The following LGR6 variants were observed in gnomAD, a reference collection of about 807,000 sequenced individuals.
The protein encoded by LGR6 is leucine rich repeat containing G protein-coupled receptor 6, also known as leucine-rich repeat-containing G protein-coupled receptor 6.
A neutral mutation model predicts 69.4 loss-of-function variants in LGR6; 45 were observed. The ratio of observed to expected loss-of-function variants is 0.65; its 90% CI spans 0.51 to 0.83. The LOEUF is 0.83. LGR6 is among the 40% of genes least tolerant of loss of function. LGR6 has a pLI of 0.00. For missense variants in LGR6, 1,108 were observed against 1,246.7 expected (o/e 0.89, Z 1.68); for synonymous variants, 538 against 555.0 (o/e 0.97, Z 0.43).
rs762506110 is a variant in LGR6 at position 202,318,832 on chromosome 1, C to A, written c.2529C>A (p.Pro843=). Residue 843 remains proline, a synonymous_variant, in exon 18 of 18, where the codon CCC becomes CCA. Transcript: ENST00000367278. ...GGGATGACCTTCGGCGGCTTCGGCC[C>A]CGCGCAGGGGACTCAGGGCCCCTAG... ...HFRDDLRRLR[P]RAGDSGPLAY... is the part of the protein sequence containing the mutation. 4 of 1,613,298 alleles carry A rather than the reference C, an allele frequency of 2.5e-6. No homozygotes were observed. In the East Asian group the frequency reaches 6.7e-5, roughly 27 times the overall value.
At chr1:202,309,756 A>T (rs903666537) in intron 15 of LGR6, among the ~76,000 whole-genome samples, 8 of 152,222 alleles carry the variant, frequency 5.3e-5, no homozygotes, top group Non-Finnish European at 1.5e-5. Flanking sequence ...GGGGAGGGAT[A>T]GGGTGCAGGT....
chr1:202,285,743 C>G (rs1353285003), intron 6 of LGR6, among the ~76,000 whole-genome samples: 5 of 152,134 alleles, frequency 3.3e-5, no homozygotes, highest in African/African-American at 1.2e-4. Context: ...AATTTCCAGG[C>G]AGTCAAGGCA....
At chr1:202,313,458 T>G (rs532649662) in intron 16 of LGR6, among the ~76,000 whole-genome samples, 2 of 152,274 alleles carry the variant, frequency 1.3e-5, no homozygotes, top group South Asian at 4.1e-4. Context: ...GCATGATGGT[T>G]AAACATCTGG....
At chr1:202,259,898 C>G (rs950992283) in intron 4 of LGR6, among the ~76,000 whole-genome samples, 1 of 152,176 alleles carries the variant, frequency 6.6e-6, no homozygotes, top group Non-Finnish European at 1.5e-5. Flanking sequence ...AATGTGCCTC[C>G]CGGCTGTCAG....
At chr1:202,249,846 G>A (rs1190695263) in intron 4 of LGR6, among the ~76,000 whole-genome samples, 1 of 152,106 alleles carries the variant, frequency 6.6e-6, no homozygotes, top group African/African-American at 2.4e-5. Context: ...CAGGCCCCCA[G>A]CTTCTACTCT....
At chr1:202,300,821 C>A (rs767613918) in intron 7 of LGR6, 28 bp from the exon 8 acceptor site, 1 of 1,572,282 alleles carries the variant, frequency 6.4e-7, no homozygotes, top group Non-Finnish European at 8.7e-7. Flanking sequence ...TCTCCAAATC[C>A]TCACTGGTTC....
chr1:202,318,086 C>T lies in LGR6; in HGVS notation c.1783C>T (p.Pro595Ser), dbSNP rs1393576285. ...TVFAGGPVPL[P>S]PVKFVVGAIA... ...GTTCGCTGGCGGGCCTGTCCCCCTG[C>T]CCCCGGTCAAGTTTGTGGTAGGTGC... The change falls in exon 18 of 18, where the codon CCC becomes TCC. Residue 595 changes from proline (P) to serine (S), a missense_variant. Pro to Ser is a moderately conservative substitution (Grantham distance 74). Transcript: ENST00000367278. 1.2e-6 allele frequency: 2 copies of T among 1,613,942 alleles called. No individual in the cohort carries two copies. The highest frequency in any genetic ancestry group is 1.7e-5 in the Admixed American group (1 of 60,018).
rs774753564 is a variant in LGR6 at position 202,193,974 on chromosome 1, T to C, written c.-16T>C. ...CGCGCCCGGCCGCCAGGTGCCCCAG[T>C]AGCCCGACCGCCGAGATGCCCAGCC... On this transcript the variant is annotated 5_prime_UTR_variant, in exon 1 of 18. Coordinates refer to ENST00000367278, the MANE Select transcript of LGR6 (RefSeq NM_001017403.2). 202 of 1,353,358 alleles carry C rather than the reference T, an allele frequency of 1.5e-4. No homozygotes were observed. Among genetic ancestry groups the C allele is most frequent in the African/African-American group, 3.8e-4 (25 of 65,016 alleles). 83.8% of individuals were successfully genotyped at this position (1,353,358 alleles called of 1,614,324 possible).
chr1:202,252,071 C>T (rs1307981001), intron 4 of LGR6, among the ~76,000 whole-genome samples: 1 of 152,058 alleles, frequency 6.6e-6, no homozygotes, highest in African/African-American at 2.4e-5. Context: ...ACACCACTTA[C>T]GTCATCTCAC....
intron 3 of LGR6, 126 bp downstream of exon 3, chr1:202,228,133 A>G (rs890112590): frequency 4.9e-6 from 3 of 615,288 alleles, no homozygotes; most frequent in Non-Finnish European, 8.6e-6. Flanking sequence ...CTTCACTTTC[A>G]GTTTCAATTG....
At position 202,319,160 on chromosome 1, in the gene LGR6, G is replaced by A; in HGVS notation, c.2857G>A (p.Gly953Ser). Reference sequence around the variant, plus strand: ...GCCAGCAGGTGGAGGCTTGTCAGGGGGTGGCGGCTTTCAGCCCTCTGGCTT... The same window carrying A: ...GCCAGCAGGTGGAGGCTTGTCAGGGAGTGGCGGCTTTCAGCCCTCTGGCTT... ...STPAGGGLSG[G>S]GGFQPSGLAF... is the part of the protein sequence containing the mutation. Residue 953 changes from glycine to serine, a missense_variant, in exon 18 of 18, where the codon GGT becomes AGT. Gly to Ser is a moderately conservative substitution (Grantham distance 56, BLOSUM62 0). Coordinates refer to ENST00000367278, the MANE Select transcript of LGR6 (RefSeq NM_001017403.2). 2 of 1,613,332 alleles carry A rather than the reference G, an allele frequency of 1.2e-6. No homozygotes were observed. Among genetic ancestry groups the A allele is most frequent in the South Asian group, 1.1e-5 (1 of 90,962 alleles).
rs1664857780 is a variant in LGR6, at chr1:202,268,573, G to C, written c.429-7733G>C. Reference sequence around the variant, plus strand: ...TCTTTTCTCTATTCTCTCCCTTCCTGTGTTCAACTGAAAGTCAGCTATGTA... The same window carrying C: ...TCTTTTCTCTATTCTCTCCCTTCCTCTGTTCAACTGAAAGTCAGCTATGTA... On this transcript the variant is annotated intron_variant, in intron 4 of 17. Transcript: ENST00000367278. This position sits in a 1 kb window ranked among gnomAD's most constrained non-coding sequence, Gnocchi z 4.4. Among the ~76,000 whole-genome samples the C allele has an allele frequency of 6.6e-6, 1 of 151,660 alleles. No homozygotes were observed. Among genetic ancestry groups the C allele is most frequent in the East Asian group, 1.9e-4 (1 of 5,132 alleles).
At chr1:202,312,804 T>C (rs1339830326) in intron 16 of LGR6, among the ~76,000 whole-genome samples, 2 of 152,252 alleles carry the variant, frequency 1.3e-5, no homozygotes, top group Non-Finnish European at 2.9e-5. Context: ...ATGTTTTGTC[T>C]TTATAGATTA....
At chr1:202,294,949 G>A (rs919770842) in intron 6 of LGR6, among the ~76,000 whole-genome samples, 6 of 152,210 alleles carry the variant, frequency 3.9e-5, no homozygotes, top group Admixed American at 3.9e-4. Context: ...ATTTGGGGAA[G>A]AGCATGCTAG....
chr1:202,273,464 T>G (rs563869267), intron 4 of LGR6, among the ~76,000 whole-genome samples: 7 of 151,726 alleles, frequency 4.6e-5, no homozygotes, highest in Non-Finnish European at 7.4e-5. Flanking sequence ...TTTTTTTGTT[T>G]TTTTTTTTTT....
chr1:202,196,877 C>T (rs1658659610), intron 1 of LGR6: 1 of 379,362 alleles, frequency 2.6e-6, no homozygotes, highest in African/African-American at 2.1e-5. Flanking sequence ...CAGGGCAACT[C>T]TTGATCAATA....
intron 4 of LGR6, among the ~76,000 whole-genome samples, chr1:202,248,027 A>G (rs1662883214): frequency 6.6e-6 from 1 of 152,132 alleles, no homozygotes; most frequent in Non-Finnish European, 1.5e-5. Flanking sequence ...GTAATTTTCC[A>G]TCTGTTTATG....
In LGR6 at chr1:202,318,082, C is replaced by T. The variant is rs938810105; in HGVS notation, c.1779C>T (p.Pro593=). The stretch of plus-strand genomic sequence containing the variant: ...CCGTGTTCGCTGGCGGGCCTGTCCC[C>T]CTGCCCCCGGTCAAGTTTGTGGTAG... ...LLTVFAGGPV[P]LPPVKFVVGA... The change falls in exon 18 of 18, where the codon CCC becomes CCT. Residue 593 remains proline (P), a synonymous_variant. Transcript: ENST00000367278. The T allele has an allele frequency of 3.1e-6, 5 of 1,614,078 alleles. No individual in the cohort carries two copies. The African/African-American group carries it at 6.7e-5, about 22-fold the overall frequency.
At chr1:202,195,193 T>C (rs1040578097) in intron 1 of LGR6, among the ~76,000 whole-genome samples, 2 of 152,200 alleles carry the variant, frequency 1.3e-5, no homozygotes, top group African/African-American at 2.4e-5. Context: ...GGCCTTCTGC[T>C]GAGGGCTAGG....
Sources: allele counts gnomAD v4.1 joint callset (sites outside exome capture counted in the v4.1 genomes callset), GRCh38; gene constraint gnomAD v4.1.1; non-coding constraint Gnocchi (gnomAD v3.1); transcripts MANE v1.5; gene names NCBI Gene and HGNC (gene_info 2026-07-23, HGNC 2026-07-21).